Variants in LINGO2 observed in about 807,000 individuals in gnomAD.
LINGO2 encodes leucine rich repeat and Ig domain containing 2, also known as leucine-rich repeat and immunoglobulin-like domain-containing nogo receptor-interacting protein 2.
In LINGO2, 14 loss-of-function variants were observed where a neutral mutation model predicts 30.6. The observed-to-expected ratio is 0.46, with a 90% CI of 0.30 to 0.72. The LOEUF (loss-of-function observed/expected upper bound fraction) is 0.72. Among genes scored for constraint, LINGO2 ranks in the 30% least tolerant of loss-of-function variants. The pLI is 0.07. For synonymous variants in LINGO2, 317 were observed against 288.5 expected (o/e 1.10, Z -1.00); for missense variants, 729 against 751.7 (o/e 0.97, Z 0.35).
the LINGO2 span, among the ~76,000 whole-genome samples, chr9:29,117,323 C>T: frequency 1.1e-4 from 17 of 152,166 alleles, no homozygotes; most frequent in South Asian, 3.3e-3. Context: ...AAAAAAGCCC[C>T]GATTGTTAGT....
chr9:28,704,480 G>C, the LINGO2 span, among the ~76,000 whole-genome samples: 106 of 151,692 alleles, frequency 7.0e-4, no homozygotes, highest in African/African-American at 2.5e-3. Flanking sequence ...ACATTAATTT[G>C]AGGACATTCT....
At chr9:28,465,837 G>T (rs1825278454) in intron 2 of LINGO2, among the ~76,000 whole-genome samples, 1 of 152,074 alleles carries the variant, frequency 6.6e-6, no homozygotes, top group African/African-American at 2.4e-5. Flanking sequence ...GACACAAAAT[G>T]GCAAACAGGC....
At chr9:28,711,332 T>C in the LINGO2 span, among the ~76,000 whole-genome samples, 1 of 152,074 alleles carries the variant, frequency 6.6e-6, no homozygotes. Context: ...TTAATTCTCC[T>C]CAAAATTCAG....
intron 2 of LINGO2, among the ~76,000 whole-genome samples, chr9:28,383,707 G>A (rs573010083): frequency 6.6e-6 from 1 of 152,228 alleles, no homozygotes; most frequent in Admixed American, 6.5e-5. Context: ...GTAATTCTCT[G>A]TAAGAGCATC....
At chr9:29,004,554 C>T in the LINGO2 span, among the ~76,000 whole-genome samples, 1 of 151,872 alleles carries the variant, frequency 6.6e-6, no homozygotes, top group African/African-American at 2.4e-5. Context: ...CAGATAGGCA[C>T]AACTATATTA....
chr9:28,323,498 G>T (rs890721587), intron 3 of LINGO2, among the ~76,000 whole-genome samples: 4 of 152,130 alleles, frequency 2.6e-5, no homozygotes, highest in Non-Finnish European at 5.9e-5. Context: ...TAATTGGGAG[G>T]CTGAGGCAGG....
the LINGO2 span, among the ~76,000 whole-genome samples, chr9:28,802,187 C>A: frequency 6.6e-6 from 1 of 151,860 alleles, no homozygotes; most frequent in Non-Finnish European, 1.5e-5. Context: ...CTTTCAATGG[C>A]ATATTTCCAA....
chr9:28,323,693 A>G lies in LINGO2; in HGVS notation c.-245-28327T>C, dbSNP rs73645645. ...TCCAGAGCGTAGCATCAAAGCAAAC[A>G]TAAGTTCGGAGAACAATGGCAGGAT... On this transcript the variant is annotated intron_variant, in intron 3 of 5. Transcript: ENST00000379992. Among the ~76,000 whole-genome samples, 434 of 152,320 alleles carry G rather than the reference A, an allele frequency of 2.8e-3. 3 individuals carry two copies. The highest frequency in any genetic ancestry group is 0.01 in the African/African-American group (417 of 41,580).
intron 1 of LINGO2, among the ~76,000 whole-genome samples, chr9:28,547,525 T>A (rs911780347): frequency 6.6e-6 from 1 of 152,046 alleles, no homozygotes; most frequent in African/African-American, 2.4e-5. Flanking sequence ...TAAAACAACT[T>A]TAGTTCTTTA....
rs141237500 is a variant in LINGO2 at position 28,564,956 on chromosome 9, C to G, written c.-364-88931G>C. 4.4e-3 allele frequency among the ~76,000 whole-genome samples: 675 copies of G among 152,096 alleles called. 4 individuals carry two copies. Among genetic ancestry groups the G allele is most frequent in the South Asian group, 0.028 (134 of 4,812 alleles). ...AGGTTCTATGGTATGAAGCTGTCTG[C>G]AAGTTCTGATACATGTTATTCCCTT... On this transcript the variant is annotated intron_variant, in intron 1 of 5. Transcript: ENST00000379992.
intron 1 of LINGO2, among the ~76,000 whole-genome samples, chr9:28,634,810 T>C (rs999962366): frequency 6.6e-6 from 1 of 152,106 alleles, no homozygotes; most frequent in Non-Finnish European, 1.5e-5. Context: ...CAAAGTAACA[T>C]GGGAGGAGTT....
At position 28,003,649 on chromosome 9, in the gene LINGO2, A is replaced by G. The variant is rs147192547; in HGVS notation, c.-36+8706T>C. ...GCTAATTTTTCGTATTTTTAGTAGAAACGGGGTTTCACCATGTTAGCCAGG... is the reference window on the plus strand; with the variant it reads ...GCTAATTTTTCGTATTTTTAGTAGAGACGGGGTTTCACCATGTTAGCCAGG... On this transcript the variant is annotated intron_variant, in intron 5 of 5. Transcript: ENST00000379992. Among the ~76,000 whole-genome samples the G allele has an allele frequency of 9.7e-4, 147 of 152,006 alleles. 1 individual carries two copies. In the East Asian group the frequency reaches 0.015, roughly 15 times the overall value.
chr9:28,921,605 G>T, the LINGO2 span, among the ~76,000 whole-genome samples: 1 of 152,240 alleles, frequency 6.6e-6, no homozygotes, highest in East Asian at 1.9e-4. Context: ...AACAGGGAAG[G>T]GAGCACAGCT....
chr9:29,080,026 C>T, the LINGO2 span, among the ~76,000 whole-genome samples: 14 of 152,038 alleles, frequency 9.2e-5, no homozygotes, highest in African/African-American at 3.4e-4. Context: ...AGTGACCTGC[C>T]AAAGTCACAC....
chr9:28,670,120 A>G (rs1370952174), intron 1 of LINGO2, 80 bp downstream of exon 3: 1 of 152,102 alleles, frequency 6.6e-6, no homozygotes, highest in Non-Finnish European at 1.5e-5. Context: ...CTTCCTTGGT[A>G]TAATAAAAAT....
chr9:28,026,577 A>T (rs1823385476), intron 4 of LINGO2, among the ~76,000 whole-genome samples: 1 of 152,226 alleles, frequency 6.6e-6, no homozygotes, highest in African/African-American at 2.4e-5. Flanking sequence ...GGGGACCCCA[A>T]GTTATAAAGC....
intron 2 of LINGO2, among the ~76,000 whole-genome samples, chr9:28,425,470 T>C (rs945021742): frequency 6.6e-6 from 1 of 151,918 alleles, no homozygotes; most frequent in African/African-American, 2.4e-5. Flanking sequence ...CCTGCTCTGA[T>C]AGTACTAAAG....
At chr9:28,493,945 T>G (rs1819478695) in intron 1 of LINGO2, among the ~76,000 whole-genome samples, 1 of 152,150 alleles carries the variant, frequency 6.6e-6, no homozygotes, top group African/African-American at 2.4e-5. Context: ...TCCTCTCTCC[T>G]CAGCTTGCAG....
Position 28,108,923 on chromosome 9 carries a change from C to T in LINGO2, c.-86-96518G>A, listed in dbSNP as rs74631072. Among the ~76,000 whole-genome samples, 1,054 of 152,172 alleles carry T rather than the reference C, an allele frequency of 6.9e-3. 19 individuals carry two copies. The highest frequency in any genetic ancestry group is 0.024 in the African/African-American group (981 of 41,542). ...ATTCCAAAATTATCTGAGACATAAG[C>T]CTGTGCTTTGTCTTCTACTTCATGC... On this transcript the variant is annotated intron_variant, in intron 4 of 5. Coordinates refer to ENST00000379992, the Ensembl canonical transcript of LINGO2.
Sources: gnomAD v4.1 joint callset for allele counts (sites outside exome capture counted in the v4.1 genomes callset) on GRCh38, gnomAD v4.1.1 for gene constraint, MANE v1.5 for transcripts, NCBI Gene and HGNC (gene_info 2026-07-23, HGNC 2026-07-21) for gene names.